NEGR1: variants seen among roughly 807,000 people sequenced by gnomAD.
NEGR1 encodes neuronal growth regulator 1.
A neutral mutation model predicts 40.9 loss-of-function variants in NEGR1; 10 were observed. That is an observed-to-expected ratio of 0.24 (90% CI 0.15 to 0.42). The LOEUF is 0.42. Ranked by LOEUF, NEGR1 falls within the 10% of genes least tolerant of loss-of-function variation. The pLI is 1.00. For missense variants in NEGR1, 352 were observed against 438.9 expected (o/e 0.80, Z 1.77); for synonymous variants, 185 against 166.8 (o/e 1.11, Z -0.84).
intron 6 of NEGR1, among the ~76,000 whole-genome samples, chr1:71,430,323 C>G (rs189022034): frequency 2.0e-5 from 3 of 152,264 alleles, no homozygotes; most frequent in African/African-American, 7.2e-5. Flanking sequence ...TTGACCTGGC[C>G]TCTGCTGGGT....
At chr1:72,060,889 A>AT (rs34195221) in intron 1 of NEGR1, among the ~76,000 whole-genome samples, 51 of 151,004 alleles carry the variant, frequency 3.4e-4, no homozygotes, top group East Asian at 2.4e-3. Flanking sequence ...TTAGAGGTAG[A>AT]TTTTTTTTTC....
intron 4 of NEGR1, among the ~76,000 whole-genome samples, chr1:71,623,013 A>G (rs1346096892): frequency 6.6e-6 from 1 of 151,928 alleles, no homozygotes; most frequent in Non-Finnish European, 1.5e-5. Context: ...AAAGTTGATT[A>G]AAATTCAGTT....
At chr1:72,076,575 G>A (rs551465804) in intron 1 of NEGR1, among the ~76,000 whole-genome samples, 20 of 134,088 alleles carry the variant, frequency 1.5e-4, no homozygotes, top group Middle Eastern at 4.7e-3. Context: ...GCTATTCTCC[G>A]GCTGGCTGAC....
In NEGR1 at chr1:72,257,898, T is replaced by C. The variant is rs370004368; in HGVS notation, c.176+24421A>G. Among the ~76,000 whole-genome samples the C allele has an allele frequency of 2.2e-4, 34 of 152,322 alleles. 1 individual carries two copies. In the East Asian group the frequency reaches 5.4e-3, roughly 24 times the overall value. On this transcript the variant is annotated intron_variant, in intron 1 of 6. Coordinates refer to ENST00000357731, the MANE Select transcript of NEGR1 (RefSeq NM_173808.3). ...CCCAGATAAATCTCTGAACATTCTG[T>C]GAAAAATAAATGCATCTAAACTTCT...
At chr1:71,739,714 G>A (rs1368436269) in intron 3 of NEGR1, among the ~76,000 whole-genome samples, 3 of 152,072 alleles carry the variant, frequency 2.0e-5, no homozygotes, top group African/African-American at 7.2e-5. Flanking sequence ...AGTTTATTGA[G>A]CACCTACACT....
intron 6 of NEGR1, among the ~76,000 whole-genome samples, chr1:71,448,750 G>A (rs1435317767): frequency 6.6e-6 from 1 of 152,138 alleles, no homozygotes; most frequent in African/African-American, 2.4e-5. Context: ...CACAAAGAAG[G>A]TCAAGGTGCT....
intron 1 of NEGR1, among the ~76,000 whole-genome samples, chr1:71,983,294 C>G (rs1327374650): frequency 6.6e-6 from 1 of 152,000 alleles, no homozygotes; most frequent in African/African-American, 2.4e-5. Flanking sequence ...ATTTTAACTT[C>G]AATACATTGA....
Position 71,450,812 on chromosome 1 carries a change from G to GA in NEGR1, c.941-43243dup, listed in dbSNP as rs1256752547. Reference sequence around the variant, plus strand: ...GTGCAGAGCGAGACTCGGTCTCAGGGAAAAAAAGAAAAAAAAAAGGAAAAC... The same window carrying GA: ...GTGCAGAGCGAGACTCGGTCTCAGGGAAAAAAAAGAAAAAAAAAAGGAAAAC... On this transcript the variant is annotated intron_variant, in intron 6 of 6. Transcript: ENST00000357731. Among the ~76,000 whole-genome samples, 13 of 149,352 alleles carry GA rather than the reference G, an allele frequency of 8.7e-5. 1 individual carries two copies. The highest frequency in any genetic ancestry group is 8.7e-4 in the Admixed American group (13 of 15,002).
intron 1 of NEGR1, among the ~76,000 whole-genome samples, chr1:72,264,188 A>C (rs547189928): frequency 2.2e-4 from 34 of 151,534 alleles, no homozygotes; most frequent in African/African-American, 8.0e-4. Flanking sequence ...AATCAGATTG[A>C]GTTCCAATCC....
chr1:72,146,341 T>A (rs545958714), intron 1 of NEGR1, among the ~76,000 whole-genome samples: 1 of 152,316 alleles, frequency 6.6e-6, no homozygotes, highest in Admixed American at 6.5e-5. Flanking sequence ...TCCATTACCC[T>A]GAACACATTA....
intron 1 of NEGR1, chr1:72,274,539 T>C (rs1655971133): frequency 1.4e-6 from 1 of 723,352 alleles, no homozygotes; most frequent in Non-Finnish European, 2.6e-6. Context: ...AATGTTTGTT[T>C]AAAACTGATC....
At chr1:71,530,540 T>C (rs1183457995) in intron 6 of NEGR1, among the ~76,000 whole-genome samples, 1 of 151,362 alleles carries the variant, frequency 6.6e-6, no homozygotes, top group Admixed American at 6.6e-5. Context: ...TAATGAAGGG[T>C]GAGTTTCATT....
intron 2 of NEGR1, among the ~76,000 whole-genome samples, chr1:71,795,639 G>A (rs149247790): frequency 6.6e-6 from 1 of 152,168 alleles, no homozygotes; most frequent in Non-Finnish European, 1.5e-5. Flanking sequence ...CCAATTGACC[G>A]TGTGTTTATA....
At chr1:71,809,812 G>A (rs1657923824) in intron 2 of NEGR1, among the ~76,000 whole-genome samples, 3 of 152,050 alleles carry the variant, frequency 2.0e-5, no homozygotes, top group Admixed American at 2.0e-4. Flanking sequence ...AGTGACTCCA[G>A]TGTCACTTGG....
intron 1 of NEGR1, among the ~76,000 whole-genome samples, chr1:72,105,104 T>C (rs1485923415): frequency 6.6e-6 from 1 of 152,100 alleles, no homozygotes; most frequent in African/African-American, 2.4e-5. Context: ...TGTCTTTAGT[T>C]TTCATCACAA....
At chr1:72,208,003 C>T (rs1260637922) in intron 1 of NEGR1, among the ~76,000 whole-genome samples, 1 of 151,570 alleles carries the variant, frequency 6.6e-6, no homozygotes, top group Non-Finnish European at 1.5e-5. Context: ...AGTAAACTGA[C>T]ACAATTCCAT....
chr1:72,106,096 T>TA (rs971266295), intron 1 of NEGR1, among the ~76,000 whole-genome samples: 2 of 151,934 alleles, frequency 1.3e-5, no homozygotes, highest in Non-Finnish European at 2.9e-5. Flanking sequence ...GAAGGAAACA[T>TA]AAAGAAATGT....
chr1:72,254,767 C>T (rs1246637070), intron 1 of NEGR1, among the ~76,000 whole-genome samples: 1 of 150,136 alleles, frequency 6.7e-6, no homozygotes, highest in Non-Finnish European at 1.5e-5. Context: ...GCCAGGACAA[C>T]GTTGACATTT....
intron 4 of NEGR1, among the ~76,000 whole-genome samples, chr1:71,682,620 C>T (rs1652876463): frequency 1.3e-5 from 2 of 152,124 alleles, no homozygotes; most frequent in South Asian, 2.1e-4. Flanking sequence ...AATAACGCCT[C>T]TAGATTTTTA....
Sources: gnomAD v4.1 joint callset for allele counts (sites outside exome capture counted in the v4.1 genomes callset) on GRCh38, gnomAD v4.1.1 for gene constraint, MANE v1.5 for transcripts, NCBI Gene and HGNC (gene_info 2026-07-23, HGNC 2026-07-21) for gene names.